The following EFL1 variants were observed in gnomAD, a reference collection of about 807,000 sequenced individuals.
EFL1 encodes elongation factor like GTPase 1, also known as elongation factor-like GTPase 1.
In EFL1, 76 loss-of-function variants were observed where a neutral mutation model predicts 126.7. The ratio of observed to expected loss-of-function variants is 0.60; its 90% CI spans 0.50 to 0.73. The LOEUF is 0.73. Ranked by LOEUF, EFL1 falls within the 30% of genes least tolerant of loss-of-function variation. EFL1 has a pLI of 0.00. For missense variants in EFL1, 1,128 were observed against 1,343.2 expected (o/e 0.84, Z 2.50); for synonymous variants, 410 against 448.4 (o/e 0.91, Z 1.08).
chr15:82,262,014 C>T, intron 1 of EFL1: 3 of 416,648 alleles, frequency 7.2e-6, no homozygotes, highest in Non-Finnish European at 1.3e-5. Context: ...GTTTGCTCAT[C>T]CTTCCGGATC....
intron 12 of EFL1, 85 bp from the exon 13 acceptor site, chr15:82,220,314 A>C: frequency 2.7e-6 from 4 of 1,483,708 alleles, no homozygotes; most frequent in Non-Finnish European, 3.6e-6. Flanking sequence ...GGTAAGATGA[A>C]GATTGGTCCC....
intron 18 of EFL1, among the ~76,000 whole-genome samples, chr15:82,147,519 G>A (rs2073860452): frequency 1.6e-5 from 2 of 128,334 alleles, no homozygotes; most frequent in African/African-American, 5.0e-5. Context: ...GTGCACGTGT[G>A]TAATCCCAGC....
At chr15:82,220,330 C>T in intron 12 of EFL1, 101 bp from the exon 13 acceptor site, 1 of 1,424,528 alleles carries the variant, frequency 7.0e-7, no homozygotes, top group Non-Finnish European at 9.4e-7. Context: ...GTCCCAGCTC[C>T]ATTCCAGGCA....
At chr15:82,195,020 T>C (rs1187969211) in intron 15 of EFL1, among the ~76,000 whole-genome samples, 2 of 152,260 alleles carry the variant, frequency 1.3e-5, no homozygotes, top group Non-Finnish European at 2.9e-5. Context: ...TAGCGTTCAA[T>C]ATCAATACAT....
chr15:82,258,822 T>C (rs1319530856), intron 3 of EFL1, among the ~76,000 whole-genome samples: 2 of 152,246 alleles, frequency 1.3e-5, no homozygotes, highest in Non-Finnish European at 2.9e-5. Flanking sequence ...AAAGAATCTC[T>C]TGCGCTGTGA....
chr15:82,228,721 C>A (rs2074790207), intron 9 of EFL1, among the ~76,000 whole-genome samples: 1 of 152,202 alleles, frequency 6.6e-6, no homozygotes, highest in South Asian at 2.1e-4. Context: ...CTATCAAGCA[C>A]CTTTTCTACT....
At chr15:82,195,966 T>C (rs1441696085) in intron 15 of EFL1, among the ~76,000 whole-genome samples, 2 of 152,178 alleles carry the variant, frequency 1.3e-5, no homozygotes, top group Non-Finnish European at 2.9e-5. Context: ...GCCAGATGTA[T>C]CTGTCTGACG....
At chr15:82,201,166 G>A (rs763517577) in intron 15 of EFL1, among the ~76,000 whole-genome samples, 3 of 152,340 alleles carry the variant, frequency 2.0e-5, no homozygotes, top group East Asian at 1.9e-4. Context: ...GTATTCCCTC[G>A]CCTAAGCGTA....
chr15:82,188,764 T>C (rs913511738), intron 15 of EFL1, among the ~76,000 whole-genome samples: 1 of 152,162 alleles, frequency 6.6e-6, no homozygotes, highest in African/African-American at 2.4e-5. Context: ...CATTAATAGT[T>C]TTGTTGTTCT....
chr15:82,250,112 C>T (rs1488371969), intron 4 of EFL1, among the ~76,000 whole-genome samples: 1 of 149,598 alleles, frequency 6.7e-6, no homozygotes, highest in Non-Finnish European at 1.5e-5. Context: ...CTCTTTTTCT[C>T]CCATCTAGGT....
chr15:82,151,689 G>A lies in EFL1; in HGVS notation c.2765C>T (p.Ser922Phe), dbSNP rs1303631205. 2 of 1,614,004 alleles carry A rather than the reference G, an allele frequency of 1.2e-6. No homozygotes were observed. The highest frequency in any genetic ancestry group is 1.7e-6 in the Non-Finnish European group (2 of 1,180,026). ...TAGCTCTTGGTTTTCATTTCCACCAGAACAGGTTTCATTTTCCTCCTGTCC... is the reference window on the plus strand; with the variant it reads ...TAGCTCTTGGTTTTCATTTCCACCAAAACAGGTTTCATTTTCCTCCTGTCC... ...KEGQEENETC[S>F]GGNENQELQD... The change falls in exon 18 of 20, where the codon TCT becomes TTT. Residue 922 changes from serine (S) to phenylalanine (F), a missense_variant. Ser to Phe is a radical substitution (Grantham distance 155). Around this residue, in one of 6 missense-constraint regions of EFL1, gnomAD observed 561 missense variants for 641.7 expected, o/e 0.87. Transcript: ENST00000268206.
chr15:82,155,278 G>C (rs2073955785), intron 17 of EFL1, among the ~76,000 whole-genome samples: 1 of 152,078 alleles, frequency 6.6e-6, no homozygotes, highest in Non-Finnish European at 1.5e-5. Flanking sequence ...GAGGAGGTTG[G>C]ATCACTTGAG....
chr15:82,201,869 C>T (rs10152695), intron 15 of EFL1, among the ~76,000 whole-genome samples: 9,619 of 149,136 alleles, frequency 0.064, 454 homozygotes, highest in African/African-American at 0.12. Context: ...ACATATGCCT[C>T]CCAGTAGAAA....
At chr15:82,241,932 G>A (rs926476396) in intron 4 of EFL1, among the ~76,000 whole-genome samples, 5 of 152,160 alleles carry the variant, frequency 3.3e-5, no homozygotes, top group African/African-American at 1.2e-4. Flanking sequence ...GTTACTATGT[G>A]CCAAGCAGTG....
At chr15:82,181,001 T>TA (rs2074246625) in intron 15 of EFL1, among the ~76,000 whole-genome samples, 1 of 152,170 alleles carries the variant, frequency 6.6e-6, no homozygotes, top group Admixed American at 6.5e-5. Context: ...GTGCTGGGAT[T>TA]ACAGGTGTGA....
intron 3 of EFL1, among the ~76,000 whole-genome samples, chr15:82,256,002 A>ATC (rs1382544123): frequency 1.3e-5 from 2 of 152,256 alleles, no homozygotes; most frequent in Non-Finnish European, 2.9e-5. Flanking sequence ...GAATTGCTGA[A>ATC]TCTACAGATC....
chr15:82,176,037 T>C (rs1173384813), intron 15 of EFL1, among the ~76,000 whole-genome samples: 1 of 152,174 alleles, frequency 6.6e-6, no homozygotes. Context: ...AGAGCTGCCA[T>C]TATTGAAGAT....
intron 16 of EFL1, among the ~76,000 whole-genome samples, chr15:82,163,279 C>T (rs79205791): frequency 1.3e-5 from 2 of 152,178 alleles, no homozygotes; most frequent in African/African-American, 2.4e-5. Context: ...CTTTAGTTCA[C>T]GCCTGTAATC....
At chr15:82,143,116 A>C (rs1261139398) in intron 18 of EFL1, among the ~76,000 whole-genome samples, 1 of 152,224 alleles carries the variant, frequency 6.6e-6, no homozygotes, top group Non-Finnish European at 1.5e-5. Flanking sequence ...AGTTGTCCAC[A>C]GCAATGTTTT....
Sources: allele counts gnomAD v4.1 joint callset (sites outside exome capture counted in the v4.1 genomes callset), GRCh38; gene constraint gnomAD v4.1.1; regional missense constraint gnomAD v4.1.1; transcripts MANE v1.5; gene names NCBI Gene and HGNC (gene_info 2026-07-23, HGNC 2026-07-21).